SGCE: variants seen among roughly 807,000 people sequenced by gnomAD.
SGCE encodes the protein epsilon-sarcoglycan.
In SGCE, 26 loss-of-function variants were observed where a neutral mutation model predicts 57.8. That is an observed-to-expected ratio of 0.45 (90% confidence interval 0.33 to 0.62). The LOEUF (loss-of-function observed/expected upper bound fraction) is 0.62. Among genes scored for constraint, SGCE ranks in the 20% least tolerant of loss-of-function variants. The pLI is 0.02. For missense variants in SGCE, 468 were observed against 548.6 expected, an observed-to-expected ratio of 0.85 and a Z score of 1.47; for synonymous variants, 183 against 189.5, an observed-to-expected ratio of 0.97 and a Z score of 0.28.
chr7:94,585,418 A>T lies in SGCE; in HGVS notation c.*81T>A. ...TAACATATGCCAGAAAAGCTCATGC[A>T]TTATTGGAAGAGAAAAGAAATGTGA... On this transcript the variant is annotated 3_prime_UTR_variant, in exon 11 of 11. Transcript: ENST00000648936. 8.0e-7 allele frequency: 1 copy of T among 1,253,378 alleles called. No individual in the cohort carries two copies. 77.6% of individuals were successfully genotyped at this position (1,253,378 alleles called of 1,614,324 possible).
intron 1 of SGCE, among the ~76,000 whole-genome samples, chr7:94,642,008 G>A (rs975660926): frequency 1.3e-5 from 2 of 151,838 alleles, no homozygotes; most frequent in African/African-American, 2.4e-5. Flanking sequence ...AATGTCACAG[G>A]CACCCTTTAT....
intron 1 of SGCE, among the ~76,000 whole-genome samples, chr7:94,654,742 T>A (rs1300936397): frequency 1.3e-5 from 2 of 152,250 alleles, no homozygotes; most frequent in Non-Finnish European, 2.9e-5. Flanking sequence ...ATAAGTCAAA[T>A]TCTTATTGAT....
intron 1 of SGCE, among the ~76,000 whole-genome samples, chr7:94,651,620 A>C (rs1035019552): frequency 4.6e-5 from 7 of 152,230 alleles, no homozygotes; most frequent in African/African-American, 1.7e-4. Context: ...TATTAAAATT[A>C]TAATTATATA....
intron 5 of SGCE, among the ~76,000 whole-genome samples, chr7:94,606,716 C>T (rs1800200057): frequency 6.6e-6 from 1 of 152,038 alleles, no homozygotes; most frequent in South Asian, 2.1e-4. Flanking sequence ...ACATTCCAGA[C>T]CATAAAAAAT....
At chr7:94,627,965 AT>A (rs1425290840) in intron 3 of SGCE, 10 of 494,302 alleles carry the variant, frequency 2.0e-5, no homozygotes, top group South Asian at 1.4e-4. Flanking sequence ...TTAAGGTCAT[AT>A]TTTTTTCACA....
intron 1 of SGCE, among the ~76,000 whole-genome samples, chr7:94,631,978 G>C (rs1804793964): frequency 6.6e-6 from 1 of 151,808 alleles, no homozygotes; most frequent in Non-Finnish European, 1.5e-5. Context: ...AAGAGAGTCT[G>C]GTATATTTGA....
intron 1 of SGCE, chr7:94,639,385 T>C: frequency 6.5e-7 from 1 of 1,535,720 alleles, no homozygotes; most frequent in South Asian, 1.2e-5. Flanking sequence ...AATAAAATTG[T>C]TGGCCTGTCT....
chr7:94,589,763 TG>T, intron 9 of SGCE: 1 of 186,732 alleles, frequency 5.4e-6, no homozygotes, highest in Non-Finnish European at 1.1e-5. Flanking sequence ...CACCCCCTGA[TG>T]GTACTGTCTA....
intron 1 of SGCE, among the ~76,000 whole-genome samples, chr7:94,630,556 A>C (rs541218959): frequency 2.0e-5 from 3 of 152,114 alleles, no homozygotes; most frequent in African/African-American, 7.2e-5. Flanking sequence ...AAGTGAAATA[A>C]GCAAATTTCA....
At chr7:94,611,536 G>T (rs1045310967) in intron 5 of SGCE, among the ~76,000 whole-genome samples, 1 of 152,202 alleles carries the variant, frequency 6.6e-6, no homozygotes, top group Admixed American at 6.5e-5. Context: ...GGTGTGTGGT[G>T]TTGGGATAAT....
chr7:94,634,358 A>C (rs919764320), intron 1 of SGCE, among the ~76,000 whole-genome samples: 4 of 152,150 alleles, frequency 2.6e-5, no homozygotes, highest in African/African-American at 9.7e-5. Context: ...CTGCTCTATT[A>C]TACGGTGATA....
intron 2 of SGCE, 131 bp from the exon 3 acceptor site, chr7:94,628,490 A>C: frequency 3.0e-6 from 2 of 669,578 alleles, no homozygotes; most frequent in Non-Finnish European, 5.1e-6. Context: ...ACACATACAA[A>C]ACCCATCTGG....
At chr7:94,655,951 T>C (rs1459975683) in intron 1 of SGCE, 39 bp downstream of exon 1, 4 of 1,345,084 alleles carry the variant, frequency 3.0e-6, no homozygotes, top group Non-Finnish European at 4.3e-6. Context: ...CGGCGGCCTG[T>C]TGGCCCCGGG....
At chr7:94,640,956 C>A (rs1806304202) in intron 1 of SGCE, 1 of 152,240 alleles carries the variant, frequency 6.6e-6, no homozygotes. Context: ...CCTGTCCTAA[C>A]TTCTGGACCT....
At chr7:94,629,695 T>C in intron 2 of SGCE, 24 bp downstream of exon 2, 1 of 1,610,114 alleles carries the variant, frequency 6.2e-7, no homozygotes, top group Non-Finnish European at 8.5e-7. Context: ...GTTAACTGCT[T>C]TTTTTTCCTC....
At position 94,629,801 on chromosome 7, in the gene SGCE, T is replaced by C; in HGVS notation, c.150A>G (p.Val50=). The C allele has an allele frequency of 1.2e-6, 2 of 1,611,028 alleles. No individual in the cohort carries two copies. Among genetic ancestry groups the C allele is most frequent in the South Asian group, 1.1e-5 (1 of 91,020 alleles). ...IFSKVHSDRN[V]YPSAGVLFVH... ...CAAAGAGGACACCTGCTGATGGGTATACATTCCGATCGGAGTGTACCTTGG... is the reference window on the plus strand; with the variant it reads ...CAAAGAGGACACCTGCTGATGGGTACACATTCCGATCGGAGTGTACCTTGG... Residue 50 remains valine, a synonymous_variant, in exon 2 of 11, where the codon GTA becomes GTG. Transcript: ENST00000648936.
intron 10 of SGCE, among the ~76,000 whole-genome samples, chr7:94,586,061 G>GAAAAAAAAAA (rs780812386): frequency 0.018 from 525 of 28,888 alleles, 9 homozygotes; most frequent in Non-Finnish European, 0.02. Flanking sequence ...GGAACTAAAT[G>GAAAAAAAAAA]AAAAAAAAAA....
At chr7:94,590,575 C>T (rs1797541165) in intron 9 of SGCE, 3 of 152,114 alleles carry the variant, frequency 2.0e-5, no homozygotes, top group Admixed American at 2.0e-4. Flanking sequence ...GAAGAAACTC[C>T]AGGAGTCAGT....
chr7:94,620,580 A>G (rs1802606091), intron 4 of SGCE: 1 of 152,234 alleles, frequency 6.6e-6, no homozygotes. Context: ...ATAATAAAAT[A>G]TTTATAAATA....
Sources: gnomAD v4.1 joint callset for allele counts (sites outside exome capture counted in the v4.1 genomes callset) on GRCh38, gnomAD v4.1.1 for gene constraint, MANE v1.5 for transcripts, NCBI Gene and HGNC (gene_info 2026-07-23, HGNC 2026-07-21) for gene names.